The following SLC35A1 variants were observed in gnomAD, a reference collection of about 807,000 sequenced individuals.
SLC35A1 encodes solute carrier family 35 member A1.
A neutral mutation model predicts 40.3 loss-of-function variants in SLC35A1; 21 were observed. The observed-to-expected ratio is 0.52, with a 90% confidence interval of 0.37 to 0.75. The LOEUF is 0.75. SLC35A1 is among the 30% of genes least tolerant of loss of function. The pLI is 0.00. For missense variants in SLC35A1, 297 were observed against 382.1 expected, an observed-to-expected ratio of 0.78 and a Z score of 1.86; for synonymous variants, 146 against 147.3, an observed-to-expected ratio of 0.99 and a Z score of 0.06.
chr6:87,498,812 TG>T (rs1475125076), intron 2 of SLC35A1, among the ~76,000 whole-genome samples: 1 of 151,988 alleles, frequency 6.6e-6, no homozygotes, highest in Non-Finnish European at 1.5e-5. Context: ...GGAAAGTATA[TG>T]GGGCATCTTA....
rs1012370244 is a variant in SLC35A1 at position 87,501,100 on chromosome 6, A to G, written c.355-58A>G. 7.9e-6 allele frequency: 11 copies of G among 1,389,834 alleles called. No homozygotes were observed. In the African/African-American group the frequency reaches 1.6e-4, roughly 20 times the overall value. The allele number at this position is 1,389,834 out of a possible 1,614,324, so 86.1% of individuals were successfully genotyped here. On this transcript the variant is annotated intron_variant, in intron 3 of 7. Transcript: ENST00000369552. Reference sequence around the variant, plus strand: ...TTTTATCAATGATACCAGAAATAATATATTTGTATCAGAGACTAACATTAA... The same window carrying G: ...TTTTATCAATGATACCAGAAATAATGTATTTGTATCAGAGACTAACATTAA...
At chr6:87,478,938 C>G (rs1277131047) in intron 2 of SLC35A1, among the ~76,000 whole-genome samples, 1 of 152,074 alleles carries the variant, frequency 6.6e-6, no homozygotes, top group Admixed American at 6.6e-5. Flanking sequence ...CTGTCGTTCC[C>G]CTATTGGCTA....
chr6:87,506,653 T>C (rs114040733), intron 5 of SLC35A1, among the ~76,000 whole-genome samples: 301 of 152,316 alleles, frequency 2.0e-3, no homozygotes, highest in African/African-American at 7.0e-3. Context: ...CTATTCATAC[T>C]TGCAGTTAAC....
chr6:87,511,408 T>A lies in SLC35A1; in HGVS notation c.896T>A (p.Phe299Tyr), dbSNP rs1770269841. 2 of 1,613,862 alleles carry A rather than the reference T, an allele frequency of 1.2e-6. No homozygotes were observed. Among genetic ancestry groups the A allele is most frequent in the East Asian group, 2.2e-5 (1 of 44,872 alleles). Residue 299 changes from phenylalanine to tyrosine, a missense_variant, in exon 8 of 8, where the codon TTT becomes TAT. Coordinates refer to ENST00000369552, the MANE Select transcript of SLC35A1 (RefSeq NM_006416.5). ...MLFGLQITLT[F>Y]ALGTLLVCVS... is the part of the protein sequence containing the mutation. ...TTTTTTTTCTTTTCAGCACTCACCT[T>A]TGCCCTGGGTACTCTTCTTGTATGT...
At position 87,508,456 on chromosome 6, in the gene SLC35A1, C is replaced by T. The variant is rs979222068; in HGVS notation, c.611C>T (p.Thr204Ile). The T allele has an allele frequency of 6.2e-7, 1 of 1,610,868 alleles. No homozygotes were observed. The highest frequency in any genetic ancestry group is 8.5e-7 in the Non-Finnish European group (1 of 1,177,790). Residue 204 changes from threonine (T) to isoleucine (I), a missense_variant, in exon 6 of 8, where the codon ACT becomes ATT. Coordinates refer to ENST00000369552, the MANE Select transcript of SLC35A1 (RefSeq NM_006416.5). ...YFEKVLKSSD[T>I]SLWVRNIQMY... ...GAAAAAGTTTTAAAGAGTTCAGATA[C>T]TTCTCTTTGGGTGAGAAACATTCAA...
At chr6:87,496,470 G>A (rs1466230318) in intron 2 of SLC35A1, among the ~76,000 whole-genome samples, 3 of 151,986 alleles carry the variant, frequency 2.0e-5, no homozygotes, top group East Asian at 3.9e-4. Flanking sequence ...AGGTGCTTGT[G>A]ATTTGATTTC....
At chr6:87,501,069 T>A in intron 3 of SLC35A1, 89 bp from the exon 4 acceptor site, 1 of 1,281,550 alleles carries the variant, frequency 7.8e-7, no homozygotes, top group Non-Finnish European at 1.1e-6. Context: ...TATTTTTTAT[T>A]GATAATTTTA....
chr6:87,484,074 G>C (rs1304615458), intron 2 of SLC35A1, among the ~76,000 whole-genome samples: 1 of 152,120 alleles, frequency 6.6e-6, no homozygotes, highest in South Asian at 2.1e-4. Flanking sequence ...TGGCTCCCGT[G>C]GTTTCTTCTT....
chr6:87,473,848 C>G (rs2127961101), intron 1 of SLC35A1, among the ~76,000 whole-genome samples: 1 of 152,366 alleles, frequency 6.6e-6, no homozygotes, highest in Middle Eastern at 3.4e-3. Context: ...TCCACCCTTC[C>G]TCCATAGAGC....
At chr6:87,497,697 T>C (rs1769777899) in intron 2 of SLC35A1, among the ~76,000 whole-genome samples, 1 of 152,102 alleles carries the variant, frequency 6.6e-6, no homozygotes, top group Non-Finnish European at 1.5e-5. Flanking sequence ...AAAAGGTCGT[T>C]TGTTACCAGT....
intron 2 of SLC35A1, among the ~76,000 whole-genome samples, chr6:87,497,823 G>A (rs950398090): frequency 6.6e-6 from 1 of 151,944 alleles, no homozygotes; most frequent in African/African-American, 2.4e-5. Flanking sequence ...CAAACTCCTG[G>A]GCTCAAGTGA....
Position 87,511,714 on chromosome 6 carries a change from A to C in SLC35A1, c.*188A>C. 1 of 651,662 alleles carries C rather than the reference A, an allele frequency of 1.5e-6. No individual in the cohort carries two copies. Among genetic ancestry groups the C allele is most frequent in the Non-Finnish European group, 2.8e-6 (1 of 362,028 alleles). 40.4% of individuals were successfully genotyped at this position (651,662 alleles called of 1,614,324 possible). ...AACTGCTAATACAGAAACTTAATGT[A>C]GACCTGTTTGGGGTCTACTATTGTT... On this transcript the variant is annotated 3_prime_UTR_variant, in exon 8 of 8. Transcript: ENST00000369552.
At chr6:87,504,864 G>A (rs574167857) in intron 4 of SLC35A1, among the ~76,000 whole-genome samples, 2 of 152,186 alleles carry the variant, frequency 1.3e-5, no homozygotes, top group Non-Finnish European at 2.9e-5. Context: ...CTCACACTAT[G>A]ATTTTATTCT....
At chr6:87,475,625 A>C (rs1769047651) in intron 1 of SLC35A1, among the ~76,000 whole-genome samples, 1 of 152,228 alleles carries the variant, frequency 6.6e-6, no homozygotes, top group Non-Finnish European at 1.5e-5. Context: ...TCTTTAATGC[A>C]CTCGGGAAAA....
At chr6:87,504,635 C>T (rs1180669349) in intron 4 of SLC35A1, among the ~76,000 whole-genome samples, 18 of 152,220 alleles carry the variant, frequency 1.2e-4, no homozygotes, top group Admixed American at 1.2e-3. Context: ...GTGTTTGGCT[C>T]ATGCTCAGAT....
At chr6:87,488,312 C>G (rs532038540) in intron 2 of SLC35A1, 5 of 152,242 alleles carry the variant, frequency 3.3e-5, no homozygotes, top group African/African-American at 1.2e-4. Flanking sequence ...TCATTTGACT[C>G]CATGTACCTT....
chr6:87,474,582 G>T (rs1423904873), intron 1 of SLC35A1, among the ~76,000 whole-genome samples: 3 of 152,170 alleles, frequency 2.0e-5, no homozygotes, highest in East Asian at 3.8e-4. Flanking sequence ...ATGGACTTTT[G>T]CTGTTACCCT....
intron 1 of SLC35A1, among the ~76,000 whole-genome samples, chr6:87,476,232 G>A (rs1246670508): frequency 2.0e-5 from 3 of 152,144 alleles, no homozygotes; most frequent in African/African-American, 2.4e-5. Context: ...TTCTTTTCCT[G>A]TGTTATGAAT....
intron 3 of SLC35A1, 122 bp from the exon 4 acceptor site, chr6:87,501,036 C>T: frequency 1.0e-6 from 1 of 974,716 alleles, no homozygotes; most frequent in East Asian, 2.6e-5. Context: ...AGGTGTGAGC[C>T]ACCGTGCCCG....
Sources: gnomAD v4.1 joint callset for allele counts (sites outside exome capture counted in the v4.1 genomes callset) on GRCh38, gnomAD v4.1.1 for gene constraint, MANE v1.5 for transcripts, NCBI Gene and HGNC (gene_info 2026-07-23, HGNC 2026-07-21) for gene names.